Variants in TEDC2 observed in about 807,000 individuals in gnomAD.
TEDC2 encodes tubulin epsilon and delta complex protein 2.
In TEDC2, 49 loss-of-function variants were observed where a neutral mutation model predicts 48.1. That is an observed-to-expected ratio of 1.02 (90% confidence interval 0.81 to 1.29). The LOEUF is 1.29. Ranked by LOEUF, TEDC2 falls within the 50% of genes most tolerant of loss-of-function variation. TEDC2 has a pLI of 0.00. For missense variants in TEDC2, 631 were observed against 571.4 expected (o/e 1.10, Z -1.06); for synonymous variants, 299 against 247.1 (o/e 1.21, Z -1.97).
At chr16:2,463,929 C>T in intron 8 of TEDC2, 110 bp from the exon 9 acceptor site, 3 of 1,230,078 alleles carry the variant, frequency 2.4e-6, no homozygotes, top group Non-Finnish European at 3.4e-6. Context: ...GCCCACCTTT[C>T]TCCTAAAGGC....
chr16:2,460,650 G>A lies in TEDC2; in HGVS notation c.153G>A (p.Lys51=), dbSNP rs768406292. The A allele has an allele frequency of 6.2e-7, 1 of 1,613,060 alleles. No homozygotes were observed. Among genetic ancestry groups the A allele is most frequent in the Non-Finnish European group, 8.5e-7 (1 of 1,179,998 alleles). ...AACCAACTGGGACCCGGGCTTTGAA[G>A]CCACCTCCAGGGCCAGAAACTAATG... ...AWEPTGTRAL[K]PPPGPETNGE... The change falls in exon 3 of 10, where the codon AAG becomes AAA. Residue 51 remains lysine, a synonymous_variant. Transcript: ENST00000361837.
Position 2,460,168 on chromosome 16 carries a change from C to T in TEDC2, c.24C>T (p.Arg8=). ...TCATGCTGCCGGCGGGCTGCTCGCG[C>T]CGGTGAGGCCTGCGCGGCAGGAGGG... MLPAGCS[R]RLVAELQGAL... is the part of the protein sequence containing the mutation. Residue 8 remains arginine (R), a splice_region_variant and synonymous_variant, in exon 1 of 10, where the codon CGC becomes CGT. Coordinates refer to ENST00000361837, the MANE Select transcript of TEDC2 (RefSeq NM_025108.3). The T allele has an allele frequency of 7.4e-7, 1 of 1,354,060 alleles. No homozygotes were observed. The highest frequency in any genetic ancestry group is 1.8e-5 in the South Asian group (1 of 54,778). 83.9% of individuals were successfully genotyped at this position (1,354,060 alleles called of 1,614,324 possible).
intron 2 of TEDC2, 22 bp downstream of exon 2, chr16:2,460,403 T>C: frequency 6.5e-7 from 1 of 1,544,006 alleles, no homozygotes; most frequent in Non-Finnish European, 8.7e-7. Flanking sequence ...CCGGACCCAC[T>C]GGCCAGACCT....
chr16:2,462,837 G>A, intron 8 of TEDC2, 105 bp downstream of exon 8: 2 of 1,112,868 alleles, frequency 1.8e-6, no homozygotes, highest in Non-Finnish European at 2.5e-6. Flanking sequence ...GCAGCCCAGG[G>A]ACCAGATGCA....
At chr16:2,463,181 CGTG>C (rs561094177) in intron 8 of TEDC2, among the ~76,000 whole-genome samples, 65 of 151,898 alleles carry the variant, frequency 4.3e-4, no homozygotes, top group African/African-American at 1.5e-3. Context: ...AGTAGCCAGG[CGTG>C]GTGGTGGGCG....
intron 9 of TEDC2, 83 bp downstream of exon 9, chr16:2,464,312 C>G (rs755022463): frequency 1.3e-5 from 20 of 1,493,212 alleles, no homozygotes; most frequent in East Asian, 2.4e-5. Flanking sequence ...TGCTCCACCC[C>G]CCAGGACCCA....
At position 2,463,194 on chromosome 16, in the gene TEDC2, G is replaced by A. The variant is rs61094163; in HGVS notation, c.964+462G>A. On this transcript the variant is annotated intron_variant, in intron 8 of 9. Transcript: ENST00000361837. Reference sequence around the variant, plus strand: ...AAAGTAGCCAGGCGTGGTGGTGGGCGCCTGTAGTCCCAGCTACTTGGGAGG... The same window carrying A: ...AAAGTAGCCAGGCGTGGTGGTGGGCACCTGTAGTCCCAGCTACTTGGGAGG... Among the ~76,000 whole-genome samples, 150 of 152,254 alleles carry A rather than the reference G, an allele frequency of 9.9e-4. No homozygotes were observed. In the East Asian group the frequency reaches 0.01, roughly 10 times the overall value.
chr16:2,463,627 CAAAAAAA>C (rs56380126), intron 8 of TEDC2, among the ~76,000 whole-genome samples: 1 of 103,248 alleles, frequency 9.7e-6, no homozygotes, highest in South Asian at 3.1e-4. Context: ...ACTCCGTCTC[CAAAAAAA>C]AAAAAAAAGA....
intron 2 of TEDC2, 56 bp downstream of exon 2, chr16:2,460,437 C>T (rs1596937995): frequency 9.8e-6 from 15 of 1,535,286 alleles, no homozygotes; most frequent in Admixed American, 4.0e-5. Context: ...AGAGTCCCGC[C>T]CCGAGCGCCC....
At position 2,464,629 on chromosome 16, in the gene TEDC2, A is replaced by C; in HGVS notation, c.1263A>C (p.Ala421=). Residue 421 remains alanine (A), a synonymous_variant, in exon 10 of 10, where the codon GCA becomes GCC. Coordinates refer to ENST00000361837, the MANE Select transcript of TEDC2 (RefSeq NM_025108.3). ...AVHSLLCEGG[A]RVLTILRDEP... ...ACAGCCTGCTCTGCGAGGGAGGAGC[A>C]CGTGTCCTTACCATCCTGCGGGATG... 1 of 1,612,854 alleles carries C rather than the reference A, an allele frequency of 6.2e-7. No individual in the cohort carries two copies.
At position 2,460,984 on chromosome 16, in the gene TEDC2, C is replaced by G. The variant is rs1055832225; in HGVS notation, c.365C>G (p.Pro122Arg). The change falls in exon 4 of 10, where the codon CCA (proline) becomes CGA (arginine). Residue 122 changes from proline to arginine, a missense_variant. Coordinates refer to ENST00000361837, the MANE Select transcript of TEDC2 (RefSeq NM_025108.3). ...TCTTCTGGCACGACAGCCTCCGCCC[C>G]ACCGCATTCCCCAGGCCAAGCTGGT... ...VTSSGTTASA[P>R]PHSPGQAGGH... 6.2e-7 allele frequency: 1 copy of G among 1,613,254 alleles called. No individual in the cohort carries two copies. The highest frequency in any genetic ancestry group is 1.3e-5 in the African/African-American group (1 of 74,942).
rs993673287 is a variant in TEDC2, at chr16:2,464,179, G to A, written c.1105G>A (p.Ala369Thr). The A allele has an allele frequency of 6.2e-7, 1 of 1,612,494 alleles. No homozygotes were observed. Among genetic ancestry groups the A allele is most frequent in the East Asian group, 2.2e-5 (1 of 44,862 alleles). ...CACCCAGGAGCTGCAGACCCTGGCG[G>A]CCCTCAAGCTGCGAGTGGCTGTGCT... ...SSTQELQTLA[A>T]LKLRVAVLDQ... The change falls in exon 9 of 10, where the codon GCC (alanine) becomes ACC (threonine). Residue 369 changes from alanine (A) to threonine (T), a missense_variant. Ala to Thr is a moderately conservative substitution (Grantham distance 58). Coordinates refer to ENST00000361837, the MANE Select transcript of TEDC2 (RefSeq NM_025108.3).
In TEDC2 at chr16:2,461,789, C is replaced by T; in HGVS notation, c.648C>T (p.Ser216=). The change falls in exon 5 of 10, where the codon TCC becomes TCT. Residue 216 remains serine, a synonymous_variant. Transcript: ENST00000361837. ...RLPAAFRKAA[S]QNSSLWAQLS... is the part of the protein sequence containing the mutation. ...CTGCGGCATTCAGGAAAGCAGCTTC[C>T]CAGAACTCGAGGTGAGGCTGAGGTC... is the stretch of plus-strand genomic sequence containing the variant. 6.2e-7 allele frequency: 1 copy of T among 1,613,464 alleles called. No individual in the cohort carries two copies. The highest frequency in any genetic ancestry group is 8.5e-7 in the Non-Finnish European group (1 of 1,179,992).
rs202053545 is a variant in TEDC2 at position 2,464,648 on chromosome 16, C to G, written c.1282C>G (p.Arg428Gly). 5 of 1,612,870 alleles carry G rather than the reference C, an allele frequency of 3.1e-6. No individual in the cohort carries two copies. Among genetic ancestry groups the G allele is most frequent in the Middle Eastern group, 1.6e-4 (1 of 6,084 alleles). ...EGGARVLTIL[R>G]DEPAV is the part of the protein sequence containing the mutation. ...AGGAGCACGTGTCCTTACCATCCTG[C>G]GGGATGAACCTGCAGTCTGAGCCTT... Residue 428 changes from arginine to glycine, a missense_variant, in exon 10 of 10, where the codon CGG becomes GGG. By Grantham distance (125) the Arg-to-Gly change is moderately radical (BLOSUM62 -2). Transcript: ENST00000361837.
chr16:2,461,882 T>A (rs2065469093), intron 5 of TEDC2, 82 bp downstream of exon 5: 1 of 1,518,416 alleles, frequency 6.6e-7, no homozygotes, highest in African/African-American at 1.4e-5. Context: ...CGAGATACTT[T>A]CCAGTGGGTC....
rs1321778924 is a variant in TEDC2, at chr16:2,464,326, G to A, written c.1155+97G>A. On this transcript the variant is annotated intron_variant, in intron 9 of 9. Coordinates refer to ENST00000361837, the MANE Select transcript of TEDC2 (RefSeq NM_025108.3). ...CTGCTCCACCCCCCAGGACCCAGGAGGATGGGGGCAAGCCTGGGGTCTGTG... is the reference window on the plus strand; with the variant it reads ...CTGCTCCACCCCCCAGGACCCAGGAAGATGGGGGCAAGCCTGGGGTCTGTG... 6.2e-6 allele frequency: 9 copies of A among 1,459,092 alleles called. No individual in the cohort carries two copies. The South Asian group carries it at 1.1e-4, about 18-fold the overall frequency. The allele number at this position is 1,459,092 out of a possible 1,614,324, so 90.4% of individuals were successfully genotyped here.
intron 8 of TEDC2, 112 bp downstream of exon 8, chr16:2,462,844 T>C: frequency 2.0e-6 from 2 of 1,014,366 alleles, no homozygotes; most frequent in South Asian, 1.7e-5. Context: ...AGGGACCAGA[T>C]GCAAGTTGGT....
Position 2,464,962 on chromosome 16 carries a change from C to A in TEDC2, c.*294C>A, listed in dbSNP as rs1253421019. 3 of 421,070 alleles carry A rather than the reference C, an allele frequency of 7.1e-6. No homozygotes were observed. The highest frequency in any genetic ancestry group is 4.2e-5 in the Admixed American group (1 of 23,862). 26.1% of individuals were successfully genotyped at this position (421,070 alleles called of 1,614,324 possible). A position where few individuals can be genotyped will look rare whatever the true frequency, so the allele number is the denominator to read the frequency against. On this transcript the variant is annotated 3_prime_UTR_variant, in exon 10 of 10. Transcript: ENST00000361837. Reference sequence around the variant, plus strand: ...GTGATATTAAAGCCACTTTAGAAAGCATTTGTGTTTATTTATGTTTTTGAG... The same window carrying A: ...GTGATATTAAAGCCACTTTAGAAAGAATTTGTGTTTATTTATGTTTTTGAG...
At position 2,460,928 on chromosome 16, in the gene TEDC2, C is replaced by A. The variant is rs551397244; in HGVS notation, c.309C>A (p.Ala103=). The A allele has an allele frequency of 3.1e-6, 5 of 1,613,566 alleles. No homozygotes were observed. The East Asian group carries it at 1.1e-4, about 36-fold the overall frequency. The change falls in exon 4 of 10, where the codon GCC becomes GCA. Residue 103 remains alanine, a synonymous_variant. Coordinates refer to ENST00000361837, the MANE Select transcript of TEDC2 (RefSeq NM_025108.3). ...CTAAGGCCGGAGAGAGAGACAAGGCCCCCAGCCTGAAATCTAGGTCCATTG... is the reference window on the plus strand; with the variant it reads ...CTAAGGCCGGAGAGAGAGACAAGGCACCCAGCCTGAAATCTAGGTCCATTG... ...GITKAGERDK[A]PSLKSRSIVT... is the part of the protein sequence containing the mutation.
Sources: allele counts gnomAD v4.1 joint callset (sites outside exome capture counted in the v4.1 genomes callset), GRCh38; gene constraint gnomAD v4.1.1; transcripts MANE v1.5; gene names NCBI Gene and HGNC (gene_info 2026-07-23, HGNC 2026-07-21).